CCDC171: variants seen among roughly 807,000 people sequenced by gnomAD.
The protein encoded by CCDC171 is coiled-coil domain containing 171.
CCDC171 carries 177 observed loss-of-function variants against 168.2 expected under a neutral mutation model. That is an observed-to-expected ratio of 1.05 (90% CI 0.93 to 1.19). CCDC171 has a LOEUF of 1.19. Ranked by LOEUF, CCDC171 falls within the 50% of genes most tolerant of loss-of-function variation. The probability of loss-of-function intolerance (pLI) is 0.00; values close to 1 mark genes in which losing one functional copy is unlikely to be tolerated. For synonymous variants in CCDC171, 687 were observed against 540.8 expected, an observed-to-expected ratio of 1.27 and a Z score of -3.75; for missense variants, 1,991 against 1,539.0, an observed-to-expected ratio of 1.29 and a Z score of -4.91.
the CCDC171 span, among the ~76,000 whole-genome samples, chr9:16,072,742 C>G: frequency 6.6e-6 from 1 of 152,128 alleles, no homozygotes; most frequent in Non-Finnish European, 1.5e-5. Flanking sequence ...TTCCATTCCC[C>G]TTTCCTTCTC....
intron 2 of CCDC171, 63 bp from the exon 3 acceptor site, chr9:15,571,561 A>C (rs2040222649): frequency 7.7e-7 from 1 of 1,307,102 alleles, no homozygotes; most frequent in African/African-American, 1.6e-5. Context: ...CAAAAATATC[A>C]GAAATGCTCT....
At chr9:15,590,839 C>T (rs1472692071) in intron 4 of CCDC171, among the ~76,000 whole-genome samples, 5 of 91,110 alleles carry the variant, frequency 5.5e-5, no homozygotes, top group African/African-American at 2.1e-4. Context: ...CTTTCTTCTT[C>T]TTTCTTTCTT....
At chr9:15,646,102 T>A (rs2047013631) in intron 7 of CCDC171, among the ~76,000 whole-genome samples, 1 of 152,106 alleles carries the variant, frequency 6.6e-6, no homozygotes, top group Non-Finnish European at 1.5e-5. Context: ...TCAACATGCT[T>A]AAAGAAAAGA....
chr9:15,989,172 A>T (rs968136287), intron 3 of CCDC171, among the ~76,000 whole-genome samples: 1 of 152,204 alleles, frequency 6.6e-6, no homozygotes, highest in African/African-American at 2.4e-5. Context: ...ACTGGGAGGC[A>T]TCCCCCAGTA....
At chr9:15,631,575 G>A (rs552048629) in intron 7 of CCDC171, among the ~76,000 whole-genome samples, 5 of 152,212 alleles carry the variant, frequency 3.3e-5, no homozygotes, top group South Asian at 2.1e-4. Flanking sequence ...ATTCACAGCC[G>A]AATTCTATCA....
intron 21 of CCDC171, among the ~76,000 whole-genome samples, chr9:15,807,115 A>G (rs2059116795): frequency 6.6e-6 from 1 of 152,072 alleles, no homozygotes; most frequent in Admixed American, 6.6e-5. Flanking sequence ...CAGCTCCTGT[A>G]TGGTTTTATC....
intron 1 of CCDC171, among the ~76,000 whole-genome samples, chr9:15,554,186 A>AT (rs1001307322): frequency 2.0e-5 from 3 of 151,962 alleles, no homozygotes; most frequent in Non-Finnish European, 2.9e-5. Flanking sequence ...CGCCCGGCTA[A>AT]TTTTTTTGTA....
chr9:15,590,776 T>TCTTTCTTTCC (rs2041928246), intron 4 of CCDC171, among the ~76,000 whole-genome samples: 1 of 64,880 alleles, frequency 1.5e-5, no homozygotes, highest in African/African-American at 5.9e-5. Flanking sequence ...TCTTTCTCTT[T>TCTTTCTTTCC]CTTTCTTTCT....
intron 18 of CCDC171, among the ~76,000 whole-genome samples, chr9:15,765,707 A>G (rs2056684478): frequency 6.6e-6 from 1 of 152,206 alleles, no homozygotes; most frequent in African/African-American, 2.4e-5. Flanking sequence ...AGTTCATCAG[A>G]TGATCAGCTG....
At chr9:16,094,903 C>T in the CCDC171 span, among the ~76,000 whole-genome samples, 5 of 152,104 alleles carry the variant, frequency 3.3e-5, no homozygotes, top group Non-Finnish European at 7.4e-5. Flanking sequence ...TGATTGGATC[C>T]TGGGGGCAGA....
chr9:15,791,537 G>A (rs561202181), intron 21 of CCDC171, among the ~76,000 whole-genome samples: 1 of 152,334 alleles, frequency 6.6e-6, no homozygotes, highest in African/African-American at 2.4e-5. Context: ...CATGTCATCT[G>A]CAAACAGGGA....
At chr9:15,581,465 A>G (rs758838882) in intron 4 of CCDC171, among the ~76,000 whole-genome samples, 21 of 152,198 alleles carry the variant, frequency 1.4e-4, no homozygotes, top group Non-Finnish European at 2.6e-4. Context: ...AAGAGCCCAT[A>G]TTGCCAAGAC....
chr9:15,559,119 C>T (rs1270565665), intron 1 of CCDC171, among the ~76,000 whole-genome samples: 3 of 152,054 alleles, frequency 2.0e-5, no homozygotes, highest in Non-Finnish European at 4.4e-5. Flanking sequence ...AATTTCTGTT[C>T]TTTTACATTT....
chr9:16,068,501 T>C, the CCDC171 span, among the ~76,000 whole-genome samples: 41 of 152,338 alleles, frequency 2.7e-4, no homozygotes, highest in Admixed American at 2.5e-3. Context: ...TTCAGTATAC[T>C]GTGATGGCTA....
intron 7 of CCDC171, among the ~76,000 whole-genome samples, chr9:15,630,921 G>A (rs908081464): frequency 3.9e-4 from 60 of 151,916 alleles, no homozygotes; most frequent in Middle Eastern, 3.4e-3. Context: ...CTGAATGACT[G>A]CTGGGTACAT....
intron 25 of CCDC171, among the ~76,000 whole-genome samples, chr9:15,948,963 A>C (rs10810497): frequency 0.31 from 47,027 of 151,420 alleles, 9,069 homozygotes; most frequent in East Asian, 0.61. Flanking sequence ...TAGGTCTAAC[A>C]TTTAAGTCTT....
chr9:15,840,370 A>G (rs1290114527), intron 21 of CCDC171, among the ~76,000 whole-genome samples: 2 of 152,154 alleles, frequency 1.3e-5, no homozygotes. Flanking sequence ...CGACTCGTTT[A>G]AAATATTGCC....
At chr9:15,793,558 T>TG (rs1231793878) in intron 21 of CCDC171, among the ~76,000 whole-genome samples, 17 of 44,476 alleles carry the variant, frequency 3.8e-4, no homozygotes, top group African/African-American at 8.8e-4. Flanking sequence ...AAGGTTTTTT[T>TG]TTTTTTTTTT....
intron 18 of CCDC171, among the ~76,000 whole-genome samples, chr9:15,749,440 A>G (rs972254868): frequency 4.6e-5 from 7 of 152,354 alleles, no homozygotes; most frequent in Non-Finnish European, 1.0e-4. Flanking sequence ...AGGGATAGCC[A>G]GGACTTGAAC....
Sources: allele counts gnomAD v4.1 joint callset (sites outside exome capture counted in the v4.1 genomes callset), GRCh38; gene constraint gnomAD v4.1.1; transcripts MANE v1.5; gene names NCBI Gene and HGNC (gene_info 2026-07-23, HGNC 2026-07-21).